RASGRP1: variants seen among roughly 807,000 people sequenced by gnomAD.
RASGRP1 encodes RAS guanyl releasing protein 1, also known as RAS guanyl-releasing protein 1.
RASGRP1 carries 37 observed loss-of-function variants against 95.1 expected under a neutral mutation model. That is an observed-to-expected ratio of 0.39 (90% CI 0.30 to 0.51). RASGRP1 has a LOEUF of 0.51. RASGRP1 is among the 20% of genes least tolerant of loss of function. The pLI, the probability that RASGRP1 is intolerant of heterozygous loss-of-function variation, is 0.80. For synonymous variants in RASGRP1, 325 were observed against 353.4 expected (o/e 0.92, Z 0.90); for missense variants, 711 against 965.4 (o/e 0.74, Z 3.49).
chr15:38,512,547 C>T (rs1891576755), intron 7 of RASGRP1, among the ~76,000 whole-genome samples: 1 of 151,404 alleles, frequency 6.6e-6, no homozygotes, highest in Non-Finnish European at 1.5e-5. Context: ...AGATCTAAAA[C>T]TGGATCCTGA....
At chr15:38,518,209 G>A in intron 5 of RASGRP1, 83 bp downstream of exon 5, 2 of 1,362,148 alleles carry the variant, frequency 1.5e-6, no homozygotes, top group East Asian at 4.9e-5. Context: ...TCACCGCTGG[G>A]GGTCAGAAGC....
At chr15:38,520,303 G>A (rs552361333) in intron 3 of RASGRP1, among the ~76,000 whole-genome samples, 2 of 152,294 alleles carry the variant, frequency 1.3e-5, no homozygotes, top group East Asian at 3.9e-4. Context: ...GGGCCCATGA[G>A]AGGAATCCAG....
At chr15:38,503,429 C>A in intron 10 of RASGRP1, 53 bp from the exon 11 acceptor site, 1 of 1,315,794 alleles carries the variant, frequency 7.6e-7, no homozygotes, top group South Asian at 1.3e-5. Flanking sequence ...ATATTATAAC[C>A]TATAGCTCTT....
chr15:38,520,698 T>G (rs1253393994), intron 3 of RASGRP1, among the ~76,000 whole-genome samples: 4 of 152,156 alleles, frequency 2.6e-5, no homozygotes, highest in Non-Finnish European at 4.4e-5. Flanking sequence ...CAGGGAGGTA[T>G]CTGAAGCACT....
intron 7 of RASGRP1, 145 bp from the exon 8 acceptor site, chr15:38,511,865 T>C (rs756383304): frequency 6.5e-6 from 4 of 616,452 alleles, no homozygotes; most frequent in Non-Finnish European, 8.7e-6. Context: ...TTCCTGTCCA[T>C]GTCTCCCCTT....
intron 14 of RASGRP1, 31 bp from the exon 15 acceptor site, chr15:38,498,977 CTT>C (rs775389211): frequency 1.9e-6 from 3 of 1,613,836 alleles, no homozygotes; most frequent in South Asian, 1.1e-5. Context: ...GTCAAGAAGT[CTT>C]TCACTTTTCT....
At chr15:38,508,221 G>C (rs1891342509) in intron 8 of RASGRP1, among the ~76,000 whole-genome samples, 1 of 152,176 alleles carries the variant, frequency 6.6e-6, no homozygotes, top group Non-Finnish European at 1.5e-5. Flanking sequence ...AGATATGCTT[G>C]AATCTGTTAT....
At position 38,488,806 on chromosome 15, in the gene RASGRP1, G is replaced by C. The variant is rs934894452; in HGVS notation, c.*1748C>G. 3.3e-5 allele frequency: 5 copies of C among 151,984 alleles called. No individual in the cohort carries two copies. Among genetic ancestry groups the C allele is most frequent in the African/African-American group, 1.2e-4 (5 of 41,430 alleles). The allele number at this position is 151,984 out of a possible 1,614,324, so 9.4% of individuals were successfully genotyped here. On this transcript the variant is annotated 3_prime_UTR_variant, in exon 17 of 17. Transcript: ENST00000310803. ...TTAGAGTTTGTCCTAACTCATGCTT[G>C]TCCTATTAAAAAGAAAGTAACAAAG...
intron 8 of RASGRP1, among the ~76,000 whole-genome samples, chr15:38,509,178 A>G (rs1395863348): frequency 6.6e-6 from 1 of 152,118 alleles, no homozygotes; most frequent in African/African-American, 2.4e-5. Flanking sequence ...TTCCTTCCTT[A>G]TTAAGTAAAG....
intron 2 of RASGRP1, among the ~76,000 whole-genome samples, chr15:38,537,000 C>A (rs1305317228): frequency 6.6e-6 from 1 of 152,098 alleles, no homozygotes; most frequent in East Asian, 1.9e-4. Flanking sequence ...ATGAATTATT[C>A]TTATTTCTCT....
At chr15:38,508,066 C>T (rs1181135802) in intron 8 of RASGRP1, 65 bp from the exon 9 acceptor site, 9 of 1,504,054 alleles carry the variant, frequency 6.0e-6, no homozygotes, top group Non-Finnish European at 8.0e-6. Flanking sequence ...GTAATGAGGA[C>T]CTTGCATGTT....
Position 38,531,969 on chromosome 15 carries a change from G to A in RASGRP1, c.221-5565C>T, listed in dbSNP as rs559318589. 5.3e-5 allele frequency among the ~76,000 whole-genome samples: 8 copies of A among 151,316 alleles called. No individual in the cohort carries two copies. The East Asian group carries it at 5.8e-4, about 11-fold the overall frequency. On this transcript the variant is annotated intron_variant, in intron 2 of 16. Coordinates refer to ENST00000310803, the MANE Select transcript of RASGRP1 (RefSeq NM_005739.4). ...TTCTTCCTTTTTGAACAACCTCATC[G>A]GGGATACGTCCCTTCCTGCCCTCAT...
At chr15:38,508,607 C>T (rs1046357265) in intron 8 of RASGRP1, among the ~76,000 whole-genome samples, 6 of 152,194 alleles carry the variant, frequency 3.9e-5, no homozygotes, top group African/African-American at 1.4e-4. Flanking sequence ...ATTCCATTCA[C>T]AGACTAAAAC....
rs745750721 is a variant in RASGRP1 at position 38,488,839 on chromosome 15, A to G, written c.*1715T>C. 2 of 152,024 alleles carry G rather than the reference A, an allele frequency of 1.3e-5. No homozygotes were observed. The highest frequency in any genetic ancestry group is 2.9e-5 in the Non-Finnish European group (2 of 67,882). The allele number at this position is 152,024 out of a possible 1,614,324, so 9.4% of individuals were successfully genotyped here. On this transcript the variant is annotated 3_prime_UTR_variant, in exon 17 of 17. Coordinates refer to ENST00000310803, the MANE Select transcript of RASGRP1 (RefSeq NM_005739.4). ...AAAAAGAAAGTAACAAAGTGTTACT[A>G]TAAGTTTATATGCCAGGTAGTGGGC...
intron 3 of RASGRP1, among the ~76,000 whole-genome samples, chr15:38,519,910 A>G (rs1469583150): frequency 6.6e-6 from 1 of 152,254 alleles, no homozygotes; most frequent in Non-Finnish European, 1.5e-5. Flanking sequence ...TACAATATAT[A>G]CACCTAGAGG....
At chr15:38,537,236 C>A (rs1892688752) in intron 2 of RASGRP1, among the ~76,000 whole-genome samples, 1 of 152,080 alleles carries the variant, frequency 6.6e-6, no homozygotes, top group Non-Finnish European at 1.5e-5. Context: ...TCCATTCTTG[C>A]ATTGCTATAA....
chr15:38,525,008 C>T (rs1476327929), intron 3 of RASGRP1, among the ~76,000 whole-genome samples: 1 of 150,598 alleles, frequency 6.6e-6, no homozygotes, highest in South Asian at 2.1e-4. Flanking sequence ...CACTTCATTG[C>T]CCAGGCTGGA....
chr15:38,541,222 G>A (rs1340440793), intron 2 of RASGRP1, among the ~76,000 whole-genome samples: 3 of 152,146 alleles, frequency 2.0e-5, no homozygotes, highest in Admixed American at 6.5e-5. Context: ...CCACTTTACC[G>A]ACAATAAAAG....
At chr15:38,544,069 CT>C (rs1236228640) in intron 2 of RASGRP1, among the ~76,000 whole-genome samples, 7 of 152,248 alleles carry the variant, frequency 4.6e-5, no homozygotes, top group African/African-American at 1.7e-4. Flanking sequence ...CCTGTTGAAG[CT>C]CAGATTTAGG....
Sources: allele counts gnomAD v4.1 joint callset (sites outside exome capture counted in the v4.1 genomes callset), GRCh38; gene constraint gnomAD v4.1.1; transcripts MANE v1.5; gene names NCBI Gene and HGNC (gene_info 2026-07-23, HGNC 2026-07-21).